The following CDH4 variants were observed in gnomAD, a reference collection of about 807,000 sequenced individuals.
CDH4 encodes the protein cadherin 4, also known as cadherin-4.
Under a neutral mutation model 86.0 loss-of-function variants are expected in CDH4, and 33 were observed. The ratio of observed to expected loss-of-function variants is 0.38; its 90% CI spans 0.29 to 0.51. The LOEUF (loss-of-function observed/expected upper bound fraction) is 0.51, where lower values mean the gene tolerates loss of function less well. CDH4 is among the 20% of genes least tolerant of loss of function. CDH4 has a pLI of 0.86. For synonymous variants in CDH4, 555 were observed against 549.4 expected, an observed-to-expected ratio of 1.01 and a Z score of -0.14; for missense variants, 1,114 against 1,307.4, an observed-to-expected ratio of 0.85 and a Z score of 2.28.
At chr20:61,693,884 CTTTTTTTTTTTTTTT>C (rs11479778) in intron 2 of CDH4, among the ~76,000 whole-genome samples, 2 of 82,700 alleles carry the variant, frequency 2.4e-5, no homozygotes, top group Non-Finnish European at 4.3e-5. Context: ...CTCTTTCTTT[CTTTTTTTTTTTTTTT>C]TTTTTTTTTT....
chr20:61,454,272 G>A (rs1264496394), intron 2 of CDH4, among the ~76,000 whole-genome samples: 1 of 152,132 alleles, frequency 6.6e-6, no homozygotes, highest in Non-Finnish European at 1.5e-5. Context: ...TACTCAAGAC[G>A]GGGAGTCAGC....
At chr20:61,624,383 T>C (rs2086809020) in intron 2 of CDH4, among the ~76,000 whole-genome samples, 1 of 152,194 alleles carries the variant, frequency 6.6e-6, no homozygotes, top group African/African-American at 2.4e-5. Context: ...CGGGCAGACA[T>C]GGAGTCAGGG....
intron 2 of CDH4, among the ~76,000 whole-genome samples, chr20:61,686,561 A>G (rs1435093971): frequency 1.2e-4 from 17 of 145,530 alleles, no homozygotes; most frequent in Admixed American, 1.1e-3. Context: ...GTGTATGTGC[A>G]TGTGCATTCG....
chr20:61,394,637 CA>C (rs1376845077), intron 2 of CDH4, among the ~76,000 whole-genome samples: 1 of 151,712 alleles, frequency 6.6e-6, no homozygotes, highest in Non-Finnish European at 1.5e-5. Context: ...TCTGAGCAGT[CA>C]GGGGGCAGAT....
chr20:61,775,521 G>A (rs2088829438), intron 4 of CDH4, among the ~76,000 whole-genome samples: 1 of 152,200 alleles, frequency 6.6e-6, no homozygotes, highest in Non-Finnish European at 1.5e-5. Context: ...GCAGTCTCAG[G>A]CAATGTGTCA....
At chr20:61,622,923 G>A (rs1054127291) in intron 2 of CDH4, among the ~76,000 whole-genome samples, 2 of 152,254 alleles carry the variant, frequency 1.3e-5, no homozygotes, top group South Asian at 2.1e-4. Context: ...TAAGAGCCTC[G>A]CAGTCATGGG....
intron 3 of CDH4, among the ~76,000 whole-genome samples, chr20:61,767,165 T>C (rs2088709662): frequency 6.6e-6 from 1 of 152,046 alleles, no homozygotes. Context: ...GTCCCTGAGG[T>C]CATGGCTGCA....
intron 4 of CDH4, among the ~76,000 whole-genome samples, chr20:61,776,327 C>T (rs1395669416): frequency 6.6e-6 from 1 of 152,236 alleles, no homozygotes; most frequent in Non-Finnish European, 1.5e-5. Flanking sequence ...CTCCTGAGGA[C>T]TGTCTGCTGC....
intron 8 of CDH4, among the ~76,000 whole-genome samples, chr20:61,897,463 C>T: frequency 6.6e-6 from 1 of 151,968 alleles, no homozygotes; most frequent in East Asian, 1.9e-4. Flanking sequence ...CCACCATTTA[C>T]CAGCACTGAC....
At chr20:61,441,848 C>G (rs763346825) in intron 2 of CDH4, among the ~76,000 whole-genome samples, 8 of 152,100 alleles carry the variant, frequency 5.3e-5, no homozygotes, top group Non-Finnish European at 1.2e-4. Flanking sequence ...ACGACAGGAC[C>G]CTAACAACAA....
At chr20:61,707,895 C>T (rs879920810) in intron 2 of CDH4, among the ~76,000 whole-genome samples, 4 of 152,144 alleles carry the variant, frequency 2.6e-5, no homozygotes, top group South Asian at 4.1e-4. Flanking sequence ...GATCTCAGCT[C>T]GGGAATGTGT....
chr20:61,696,978 A>G, intron 2 of CDH4, among the ~76,000 whole-genome samples: 1 of 152,216 alleles, frequency 6.6e-6, no homozygotes, highest in East Asian at 1.9e-4. Flanking sequence ...TAATGCAGCC[A>G]CAAGTAAGGA....
At chr20:61,430,638 A>G (rs2085241325) in intron 2 of CDH4, among the ~76,000 whole-genome samples, 1 of 152,174 alleles carries the variant, frequency 6.6e-6, no homozygotes, top group African/African-American at 2.4e-5. Context: ...AAGGAAGGAA[A>G]CAATCCCAGC....
intron 2 of CDH4, among the ~76,000 whole-genome samples, chr20:61,707,352 G>A (rs368871871): frequency 3.7e-4 from 56 of 152,368 alleles, no homozygotes; most frequent in South Asian, 6.2e-4. Flanking sequence ...TGCTTTGCGC[G>A]GCTTGGACAG....
At chr20:61,363,529 A>C (rs1160471967) in intron 2 of CDH4, among the ~76,000 whole-genome samples, 1 of 152,150 alleles carries the variant, frequency 6.6e-6, no homozygotes, top group Non-Finnish European at 1.5e-5. Context: ...GAAGTCCTGG[A>C]CTCAACAGAA....
chr20:61,379,590 A>G (rs1020630476), intron 2 of CDH4, among the ~76,000 whole-genome samples: 6 of 151,860 alleles, frequency 4.0e-5, no homozygotes, highest in Admixed American at 2.6e-4. Flanking sequence ...CCTCTGCCTC[A>G]CCCCTATTGT....
chr20:61,387,465 T>C (rs1021676499), intron 2 of CDH4, among the ~76,000 whole-genome samples: 3 of 142,658 alleles, frequency 2.1e-5, no homozygotes, highest in Non-Finnish European at 4.6e-5. Context: ...CACACAAATA[T>C]ATACATACAT....
chr20:61,379,188 A>C (rs2084887147), intron 2 of CDH4, among the ~76,000 whole-genome samples: 1 of 152,140 alleles, frequency 6.6e-6, no homozygotes, highest in African/African-American at 2.4e-5. Flanking sequence ...CCAGGGTGTG[A>C]AAACATAATC....
At chr20:61,592,058 C>CT (rs1455629957) in intron 2 of CDH4, among the ~76,000 whole-genome samples, 1 of 152,048 alleles carries the variant, frequency 6.6e-6, no homozygotes, top group Admixed American at 6.5e-5. Context: ...TGCTGCTTGT[C>CT]TGTCAATCCT....
Sources: gnomAD v4.1 joint callset for allele counts (sites outside exome capture counted in the v4.1 genomes callset) on GRCh38, gnomAD v4.1.1 for gene constraint, MANE v1.5 for transcripts, NCBI Gene and HGNC (gene_info 2026-07-23, HGNC 2026-07-21) for gene names.